TP63: variants seen among roughly 807,000 people sequenced by gnomAD.
The protein encoded by TP63 is tumor protein 63.
Under a neutral mutation model 82.8 loss-of-function variants are expected in TP63, and 17 were observed. That is an observed-to-expected ratio of 0.21 (90% CI 0.14 to 0.31). The LOEUF (loss-of-function observed/expected upper bound fraction) is 0.31, where lower values mean the gene tolerates loss of function less well. Among genes scored for constraint, TP63 ranks in the 10% least tolerant of loss-of-function variants. TP63 has a pLI of 1.00. For missense variants in TP63, 648 were observed against 895.3 expected, an observed-to-expected ratio of 0.72 and a Z score of 3.52; for synonymous variants, 330 against 321.7, an observed-to-expected ratio of 1.03 and a Z score of -0.28.
At chr3:189,598,059 T>C in the TP63 span, among the ~76,000 whole-genome samples, 2 of 152,152 alleles carry the variant, frequency 1.3e-5, no homozygotes, top group South Asian at 2.1e-4. Context: ...AATGAACTTA[T>C]AAATTCAATA....
chr3:189,704,790 C>T (rs184169267), intron 1 of TP63, among the ~76,000 whole-genome samples: 10 of 152,262 alleles, frequency 6.6e-5, no homozygotes, highest in Non-Finnish European at 1.2e-4. Context: ...TTCCTTAGAG[C>T]TTGGCACAGA....
chr3:189,739,439 A>C (rs1397660722), intron 3 of TP63, among the ~76,000 whole-genome samples: 1 of 152,190 alleles, frequency 6.6e-6, no homozygotes, highest in African/African-American at 2.4e-5. Context: ...TTAGATCTGA[A>C]TCCTATCCAG....
chr3:189,848,236 TCCTTC>T (rs1307934723), intron 4 of TP63, among the ~76,000 whole-genome samples: 4 of 135,138 alleles, frequency 3.0e-5, no homozygotes, highest in African/African-American at 5.9e-5. Flanking sequence ...CTCCTCCTCC[TCCTTC>T]TCTCTCTCTC....
intron 1 of TP63, among the ~76,000 whole-genome samples, chr3:189,634,816 G>T (rs953381764): frequency 6.6e-6 from 1 of 151,904 alleles, no homozygotes; most frequent in African/African-American, 2.4e-5. Context: ...TGTTTATTTT[G>T]TATTAGGTGA....
intron 3 of TP63, among the ~76,000 whole-genome samples, chr3:189,794,398 A>C (rs1301620907): frequency 6.6e-6 from 1 of 152,012 alleles, no homozygotes; most frequent in East Asian, 1.9e-4. Context: ...AAGAGAGTCC[A>C]TGATGTAGGA....
At chr3:189,849,325 G>A (rs1577098986) in intron 4 of TP63, among the ~76,000 whole-genome samples, 1 of 152,192 alleles carries the variant, frequency 6.6e-6, no homozygotes, top group South Asian at 2.1e-4. Context: ...TGGTTGGTCA[G>A]AAGTTCCAGA....
At chr3:189,815,570 C>T (rs886771378) in intron 4 of TP63, among the ~76,000 whole-genome samples, 11 of 151,998 alleles carry the variant, frequency 7.2e-5, no homozygotes, top group Non-Finnish European at 1.6e-4. Context: ...TAACTAGAAA[C>T]CTGGGTTTGC....
At chr3:189,839,946 A>G (rs981799957) in intron 4 of TP63, among the ~76,000 whole-genome samples, 7 of 152,172 alleles carry the variant, frequency 4.6e-5, no homozygotes, top group African/African-American at 1.7e-4. Flanking sequence ...GCTGTGAAAG[A>G]TTGGGCAACT....
At chr3:189,603,584 C>T in the TP63 span, among the ~76,000 whole-genome samples, 1 of 148,186 alleles carries the variant, frequency 6.7e-6, no homozygotes, top group East Asian at 2.0e-4. Flanking sequence ...CTACCGGACA[C>T]CCCATGTAAA....
At chr3:189,764,465 A>G (rs186005594) in intron 3 of TP63, among the ~76,000 whole-genome samples, 81 of 152,300 alleles carry the variant, frequency 5.3e-4, no homozygotes, top group African/African-American at 1.9e-3. Context: ...CACATAGGTC[A>G]TACTCTTAGT....
intron 3 of TP63, among the ~76,000 whole-genome samples, chr3:189,771,696 C>T (rs1035265677): frequency 1.3e-5 from 2 of 151,612 alleles, no homozygotes; most frequent in African/African-American, 4.8e-5. Context: ...ATTGAATAGT[C>T]TTGTTTGGTT....
chr3:189,706,117 C>G (rs1332158878), intron 1 of TP63, among the ~76,000 whole-genome samples: 1 of 152,098 alleles, frequency 6.6e-6, no homozygotes, highest in African/African-American at 2.4e-5. Flanking sequence ...ATAATCGCCC[C>G]CTGGTTTCAG....
intron 4 of TP63, among the ~76,000 whole-genome samples, chr3:189,835,214 G>C (rs1712959625): frequency 6.6e-6 from 1 of 152,106 alleles, no homozygotes; most frequent in Non-Finnish European, 1.5e-5. Flanking sequence ...GGAGGGTCTA[G>C]TTATACTGTC....
intron 10 of TP63, 139 bp from the exon 11 acceptor site, chr3:189,886,255 C>A: frequency 2.0e-6 from 2 of 982,668 alleles, no homozygotes; most frequent in East Asian, 2.6e-5. Flanking sequence ...ACAAAATTAA[C>A]TTCTTACCAT....
chr3:189,762,676 CT>C (rs1351758383), intron 3 of TP63, among the ~76,000 whole-genome samples: 1 of 152,144 alleles, frequency 6.6e-6, no homozygotes, highest in East Asian at 1.9e-4. Flanking sequence ...ATGAAAATCT[CT>C]TCCTTGGCAA....
chr3:189,851,227 C>T (rs1715582570), intron 4 of TP63, among the ~76,000 whole-genome samples: 2 of 152,104 alleles, frequency 1.3e-5, no homozygotes, highest in African/African-American at 4.8e-5. Context: ...TATTTCAAAG[C>T]GAGCTTGGGA....
intron 3 of TP63, among the ~76,000 whole-genome samples, chr3:189,776,640 C>G (rs1031260964): frequency 6.6e-6 from 1 of 152,128 alleles, no homozygotes; most frequent in Non-Finnish European, 1.5e-5. Context: ...CCTTACAGAC[C>G]TAAATGTAAA....
rs2108637321 is a variant in TP63, at chr3:189,808,329, T to C, written c.382T>C (p.Ser128Pro). The C allele has an allele frequency of 6.2e-7, 1 of 1,614,100 alleles. No homozygotes were observed. The highest frequency in any genetic ancestry group is 1.3e-5 in the African/African-American group (1 of 75,000). ...CATGGACCAGCAGATTCAGAACGGC[T>C]CCTCGTCCACCAGTCCCTATAACAC... ...NSMDQQIQNGSSSTSPYNTDH... is the reference protein window; with the variant it reads ...NSMDQQIQNGPSSTSPYNTDH... Residue 128 changes from serine to proline, a missense_variant, in exon 4 of 14, where the codon TCC (serine) becomes CCC (proline). Around this residue, in one of 5 missense-constraint regions of TP63, gnomAD observed 182 missense variants for 213.6 expected, o/e 0.85. Coordinates refer to ENST00000264731, the MANE Select transcript of TP63 (RefSeq NM_003722.5).
intron 1 of TP63, among the ~76,000 whole-genome samples, chr3:189,688,040 C>T (rs1716588938): frequency 6.6e-6 from 1 of 151,202 alleles, no homozygotes; most frequent in South Asian, 2.1e-4. Context: ...TCTATTACAG[C>T]TTTGTAATTC....
Sources: gnomAD v4.1 joint callset for allele counts (sites outside exome capture counted in the v4.1 genomes callset) on GRCh38, gnomAD v4.1.1 for gene constraint, gnomAD v4.1.1 regional missense constraint, MANE v1.5 for transcripts, NCBI Gene and HGNC (gene_info 2026-07-23, HGNC 2026-07-21) for gene names.